Variants in DNAH5 observed in about 807,000 individuals in gnomAD.
The protein encoded by DNAH5 is axonemal beta dynein heavy chain 5.
Under a neutral mutation model 518.2 loss-of-function variants are expected in DNAH5, and 372 were observed. The observed-to-expected ratio is 0.72, with a 90% confidence interval of 0.66 to 0.78. DNAH5 has a LOEUF of 0.78. Ranked by LOEUF, DNAH5 falls within the 30% of genes least tolerant of loss-of-function variation. DNAH5 has a pLI of 0.00. For synonymous variants in DNAH5, 2,039 were observed against 2,025.9 expected, an observed-to-expected ratio of 1.01 and a Z score of -0.17; for missense variants, 5,523 against 5,687.0, an observed-to-expected ratio of 0.97 and a Z score of 0.93.
intron 42 of DNAH5, among the ~76,000 whole-genome samples, chr5:13,816,087 T>C (rs1761409798): frequency 6.6e-6 from 1 of 152,148 alleles, no homozygotes; most frequent in African/African-American, 2.4e-5. Context: ...AGGCAGGCGA[T>C]CAACTGTGCC....
chr5:13,809,219 A>G (rs1465890207), intron 45 of DNAH5, 33 bp from the exon 46 acceptor site: 5 of 1,613,282 alleles, frequency 3.1e-6, no homozygotes, highest in Admixed American at 3.3e-5. Context: ...CCATCTCCAT[A>G]TTAATAATTC....
Position 13,707,548 on chromosome 5 carries a change from C to G in DNAH5, c.13338+575G>C, listed in dbSNP as rs1212564519. On this transcript the variant is annotated intron_variant, in intron 76 of 78. Coordinates refer to ENST00000265104, the MANE Select transcript of DNAH5 (RefSeq NM_001369.3). The surrounding 1 kb of genome is among the most constrained non-coding windows in gnomAD (Gnocchi z 4.0). ...TGGGGTTGGAGCCCCAGAACAGTCC[C>G]TACAACCTGCCCCTCTGCATGCTCC... 6.6e-6 allele frequency among the ~76,000 whole-genome samples: 1 copy of G among 152,156 alleles called. No homozygotes were observed. The highest frequency in any genetic ancestry group is 1.5e-5 in the Non-Finnish European group (1 of 68,022).
intron 47 of DNAH5, among the ~76,000 whole-genome samples, chr5:13,795,102 A>T (rs1757625866): frequency 6.6e-6 from 1 of 152,238 alleles, no homozygotes; most frequent in South Asian, 2.1e-4. Flanking sequence ...AAAGCAGGAA[A>T]GATCCAAAAT....
intron 37 of DNAH5, 81 bp from the exon 38 acceptor site, chr5:13,829,785 C>T: frequency 5.1e-6 from 7 of 1,385,928 alleles, no homozygotes; most frequent in Non-Finnish European, 7.1e-6. Flanking sequence ...ATTATGTACA[C>T]ACAACAAATC....
At chr5:13,926,421 C>A (rs1356480043) in intron 3 of DNAH5, among the ~76,000 whole-genome samples, 5 of 152,312 alleles carry the variant, frequency 3.3e-5, no homozygotes, top group African/African-American at 9.6e-5. Context: ...CACAGTCAGC[C>A]ACTTTAGTTA....
chr5:13,778,596 A>AAGAAAGAAAGAAAGAAAG lies in DNAH5; in HGVS notation c.8952-1242_8952-1241insCTTTCTTTCTTTCTTTCT, dbSNP rs768853052. Among the ~76,000 whole-genome samples the AAGAAAGAAAGAAAGAAAG allele has an allele frequency of 7.0e-3, 718 of 102,050 alleles. 11 individuals are homozygous for AAGAAAGAAAGAAAGAAAG. Among genetic ancestry groups the AAGAAAGAAAGAAAGAAAG allele is most frequent in the Middle Eastern group, 9.4e-3 (2 of 212 alleles). 66.9% of individuals were successfully genotyped at this position (102,050 alleles called of 152,430 possible). A position where few individuals can be genotyped will look rare whatever the true frequency, so the allele number is the denominator to read the frequency against. On this transcript the variant is annotated intron_variant, in intron 53 of 78. Coordinates refer to ENST00000265104, the MANE Select transcript of DNAH5 (RefSeq NM_001369.3). Reference sequence around the variant, plus strand: ...AAAGAAAGAAAGAAAGAAAGAAAGAAAGAGAGAGAGAAAGAAAAAGAAAGA... The same window carrying AAGAAAGAAAGAAAGAAAG: ...AAAGAAAGAAAGAAAGAAAGAAAGAAAGAAAGAAAGAAAGAAAGAGAGAGAGAGAAAGAAAAAGAAAGA...
chr5:13,955,969 T>C lies in DNAH5; in HGVS notation c.13-24725A>G, dbSNP rs574044172. ...AGTCCTTGCCAAGAGCGTGCAACAA[T>C]GAAGAAAAACAGAACAAGAATCTCC... On this transcript the variant is annotated intron_variant, in intron 1 of 78. Coordinates refer to the DNAH5 transcript ENST00000681290. Among the ~76,000 whole-genome samples, 6 of 152,148 alleles carry C rather than the reference T, an allele frequency of 3.9e-5. No homozygotes were observed. In the South Asian group the frequency reaches 6.2e-4, roughly 16 times the overall value.
intron 51 of DNAH5, 25 bp downstream of exon 51, chr5:13,788,691 T>A (rs1233371110): frequency 1.2e-6 from 2 of 1,604,104 alleles, no homozygotes; most frequent in East Asian, 2.2e-5. Context: ...TTTGGGGAAT[T>A]CCAAATTCCA....
At position 13,841,226 on chromosome 5, in the gene DNAH5, G is replaced by T. The variant is rs1263255642; in HGVS notation, c.5485-96C>A. ...ATCAACAGCTGTGATTGTTACACAA[G>T]TGTAAAGCCATGATTACATCAACTT... On this transcript the variant is annotated intron_variant, in intron 33 of 78. Transcript: ENST00000265104. The T allele has an allele frequency of 1.7e-5, 17 of 987,888 alleles. 1 individual carries two copies. The Admixed American group carries it at 3.1e-4, about 18-fold the overall frequency. The allele number at this position is 987,888 out of a possible 1,614,324, so 61.2% of individuals were successfully genotyped here.
chr5:13,875,293 C>T (rs146954623), intron 22 of DNAH5, among the ~76,000 whole-genome samples: 3,031 of 151,956 alleles, frequency 0.02, 115 homozygotes, highest in African/African-American at 0.069. Context: ...CATGGTAAAA[C>T]CCTGTCTCTA....
chr5:13,940,171 C>G (rs866783751), intron 1 of DNAH5, among the ~76,000 whole-genome samples: 1 of 152,176 alleles, frequency 6.6e-6, no homozygotes, highest in African/African-American at 2.4e-5. Context: ...CCGGTGTCCA[C>G]AGCCTCACCT....
intron 1 of DNAH5, among the ~76,000 whole-genome samples, chr5:13,955,144 A>G (rs1019725998): frequency 6.6e-6 from 1 of 152,090 alleles, no homozygotes; most frequent in African/African-American, 2.4e-5. Flanking sequence ...CCGTCCCCCA[A>G]CTGCTGTCTC....
rs191543586 is a variant in DNAH5, at chr5:13,779,016, G to A, written c.8952-1661C>T. On this transcript the variant is annotated intron_variant, in intron 53 of 78. Coordinates refer to ENST00000265104, the MANE Select transcript of DNAH5 (RefSeq NM_001369.3). ...AAATCCTACAATCAATTCCCAGATA[G>A]ATCAGAGATGTTGGGCAAGCCATAG... Among the ~76,000 whole-genome samples the A allele has an allele frequency of 8.4e-4, 128 of 152,280 alleles. 1 individual carries two copies. Among genetic ancestry groups the A allele is most frequent in the Middle Eastern group, 3.4e-3 (1 of 294 alleles).
intron 9 of DNAH5, among the ~76,000 whole-genome samples, chr5:13,916,046 A>G (rs993643657): frequency 2.0e-5 from 3 of 152,014 alleles, no homozygotes; most frequent in Admixed American, 6.6e-5. Context: ...TTTACCCAGT[A>G]GGAATACATG....
intron 1 of DNAH5, among the ~76,000 whole-genome samples, chr5:13,941,788 A>T (rs964010663): frequency 4.6e-5 from 7 of 152,240 alleles, no homozygotes; most frequent in African/African-American, 1.7e-4. Context: ...AGAAACACAT[A>T]CAGCACAAAA....
At chr5:13,992,596 G>C (rs901757594) in intron 1 of DNAH5, among the ~76,000 whole-genome samples, 2 of 152,166 alleles carry the variant, frequency 1.3e-5, no homozygotes, top group African/African-American at 4.8e-5. Context: ...CTAGTTTTCA[G>C]AAACTCCACT....
intron 12 of DNAH5, among the ~76,000 whole-genome samples, chr5:13,906,158 T>G (rs778668535): frequency 6.6e-6 from 1 of 152,188 alleles, no homozygotes; most frequent in Non-Finnish European, 1.5e-5. Flanking sequence ...GAAAACACTT[T>G]GCCTGATATT....
At chr5:13,920,176 G>C (rs1390202655) in intron 6 of DNAH5, among the ~76,000 whole-genome samples, 1 of 152,182 alleles carries the variant, frequency 6.6e-6, no homozygotes, top group Non-Finnish European at 1.5e-5. Context: ...TACTAAATTA[G>C]AAAACTCCTC....
intron 65 of DNAH5, among the ~76,000 whole-genome samples, chr5:13,748,620 T>C (rs971998013): frequency 6.6e-6 from 1 of 152,188 alleles, no homozygotes; most frequent in Non-Finnish European, 1.5e-5. Flanking sequence ...GATTCCCAGG[T>C]ATTCTATTCT....
Sources: allele counts gnomAD v4.1 joint callset (sites outside exome capture counted in the v4.1 genomes callset), GRCh38; gene constraint gnomAD v4.1.1; non-coding constraint Gnocchi (gnomAD v3.1); transcripts MANE v1.5; gene names NCBI Gene and HGNC (gene_info 2026-07-23, HGNC 2026-07-21).